Variants in LDB2 observed in about 807,000 individuals in gnomAD.
LDB2 encodes the protein LIM domain binding 2.
A neutral mutation model predicts 44.3 loss-of-function variants in LDB2; 12 were observed. That is an observed-to-expected ratio of 0.27 (90% confidence interval 0.17 to 0.44). The LOEUF is 0.44. Among genes scored for constraint, LDB2 ranks in the 20% least tolerant of loss-of-function variants. The pLI, the probability that LDB2 is intolerant of heterozygous loss-of-function variation, is 1.00. For synonymous variants in LDB2, 164 were observed against 174.8 expected (o/e 0.94, Z 0.49); for missense variants, 344 against 473.5 (o/e 0.73, Z 2.54).
rs67578284 is a variant in LDB2, at chr4:16,791,556, G to GAA, written c.133-32298_133-32297dup. 1.1e-3 allele frequency among the ~76,000 whole-genome samples: 67 copies of GAA among 59,020 alleles called. 5 individuals are homozygous for GAA. Among genetic ancestry groups the GAA allele is most frequent in the Middle Eastern group, 0.031 (1 of 32 alleles). 38.7% of individuals were successfully genotyped at this position (59,020 alleles called of 152,430 possible). A position where few individuals can be genotyped will look rare whatever the true frequency, so the allele number is the denominator to read the frequency against. On this transcript the variant is annotated intron_variant, in intron 1 of 7. Coordinates refer to ENST00000304523, the MANE Select transcript of LDB2 (RefSeq NM_001290.5). ...GGCAACAGAGCGAGACTCTGGCTCA[G>GAA]AAAAAAAAAAAAAAAAGAAAGACAG...
chr4:16,865,003 C>T (rs12503852), intron 1 of LDB2, among the ~76,000 whole-genome samples: 39,008 of 151,678 alleles, frequency 0.26, 5,876 homozygotes, highest in East Asian at 0.68. Flanking sequence ...CCCAGCACTT[C>T]GGGAGGCCGA....
chr4:16,634,717 G>A (rs552994603), intron 2 of LDB2, among the ~76,000 whole-genome samples: 7 of 152,222 alleles, frequency 4.6e-5, no homozygotes, highest in Admixed American at 3.3e-4. Flanking sequence ...TTCAACCATC[G>A]TGGAAGACAG....
At chr4:16,786,878 C>T (rs879494681) in intron 1 of LDB2, among the ~76,000 whole-genome samples, 22 of 152,120 alleles carry the variant, frequency 1.4e-4, no homozygotes, top group Non-Finnish European at 2.5e-4. Flanking sequence ...ACTCTATTCC[C>T]GAATCTTTTG....
intron 2 of LDB2, among the ~76,000 whole-genome samples, chr4:16,629,106 A>G (rs1345852822): frequency 6.6e-6 from 1 of 152,200 alleles, no homozygotes; most frequent in Non-Finnish European, 1.5e-5. Context: ...TCACAGTGTA[A>G]ACAAAGTGGC....
intron 2 of LDB2, among the ~76,000 whole-genome samples, chr4:16,643,994 C>T (rs970550125): frequency 1.3e-5 from 2 of 152,218 alleles, no homozygotes; most frequent in Non-Finnish European, 2.9e-5. Flanking sequence ...CCAAGTGCTG[C>T]TTCTTGAGTA....
chr4:16,549,542 A>C (rs1736904810), intron 5 of LDB2, among the ~76,000 whole-genome samples: 1 of 152,210 alleles, frequency 6.6e-6, no homozygotes, highest in Admixed American at 6.5e-5. Flanking sequence ...TTTTTGCAAT[A>C]GTCTCCTGAC....
chr4:16,775,613 C>A (rs1416431622), intron 1 of LDB2, among the ~76,000 whole-genome samples: 1 of 152,128 alleles, frequency 6.6e-6, no homozygotes, highest in Admixed American at 6.6e-5. Context: ...TTTCCCTATT[C>A]TCAGGAAATG....
intron 1 of LDB2, among the ~76,000 whole-genome samples, chr4:16,896,417 TTAA>T (rs915721564): frequency 6.6e-5 from 10 of 152,110 alleles, no homozygotes; most frequent in African/African-American, 2.4e-4. Context: ...GCAGTTTTTT[TTAA>T]TGAGGGCAAG....
chr4:16,627,672 G>T (rs192374686), intron 2 of LDB2, among the ~76,000 whole-genome samples: 147 of 152,252 alleles, frequency 9.7e-4, no homozygotes, highest in Admixed American at 4.5e-3. Flanking sequence ...CTCCAAGATG[G>T]CCCCAGAGAC....
At chr4:16,708,302 C>T (rs150356100) in intron 2 of LDB2, among the ~76,000 whole-genome samples, 10 of 152,092 alleles carry the variant, frequency 6.6e-5, no homozygotes, top group East Asian at 3.9e-4. Flanking sequence ...GGCAACAGAG[C>T]GAGACCCTGT....
At chr4:16,748,857 A>C (rs575699136) in intron 2 of LDB2, among the ~76,000 whole-genome samples, 4 of 152,344 alleles carry the variant, frequency 2.6e-5, no homozygotes, top group African/African-American at 9.6e-5. Context: ...AGATTTATAA[A>C]CAGAGGCAGA....
chr4:16,706,081 G>A (rs1754538776), intron 2 of LDB2, among the ~76,000 whole-genome samples: 1 of 152,124 alleles, frequency 6.6e-6, no homozygotes, highest in Admixed American at 6.5e-5. Context: ...GGCCAAAATT[G>A]CTAGTAAAAA....
At chr4:16,631,862 T>C (rs1732055730) in intron 2 of LDB2, among the ~76,000 whole-genome samples, 1 of 152,302 alleles carries the variant, frequency 6.6e-6, no homozygotes, top group South Asian at 2.1e-4. Context: ...CCTAGACACA[T>C]ACACCTTCCC....
At chr4:16,761,385 A>G (rs1767881966) in intron 1 of LDB2, among the ~76,000 whole-genome samples, 1 of 152,192 alleles carries the variant, frequency 6.6e-6, no homozygotes, top group Admixed American at 6.5e-5. Flanking sequence ...GAAAGGGAAT[A>G]TTTAGTCTGA....
intron 2 of LDB2, among the ~76,000 whole-genome samples, chr4:16,628,011 G>A (rs1171996490): frequency 6.6e-6 from 1 of 152,110 alleles, no homozygotes; most frequent in East Asian, 1.9e-4. Flanking sequence ...CACGGTTAAA[G>A]AAATCCACTC....
intron 2 of LDB2, among the ~76,000 whole-genome samples, chr4:16,601,702 T>A (rs4235384): frequency 0.99 from 151,422 of 152,276 alleles, 75,294 homozygotes; most frequent in Middle Eastern, 1. Context: ...TGCTAGAGCT[T>A]CTGTAATTCT....
chr4:16,597,740 G>A (rs1264181882), intron 2 of LDB2, among the ~76,000 whole-genome samples: 1 of 152,118 alleles, frequency 6.6e-6, no homozygotes, highest in Non-Finnish European at 1.5e-5. Flanking sequence ...TCCTGCACAA[G>A]TTAATTCCTT....
At chr4:16,778,507 A>AAG (rs1245634602) in intron 1 of LDB2, among the ~76,000 whole-genome samples, 1 of 151,998 alleles carries the variant, frequency 6.6e-6, no homozygotes, top group Non-Finnish European at 1.5e-5. Context: ...AACCACCATC[A>AAG]AGAGTGTTTG....
chr4:16,555,176 T>G (rs1352212155), intron 5 of LDB2, among the ~76,000 whole-genome samples: 1 of 151,944 alleles, frequency 6.6e-6, no homozygotes, highest in African/African-American at 2.4e-5. Flanking sequence ...TCACAGAGAT[T>G]CTGATTCAAT....
Sources: allele counts gnomAD v4.1 joint callset (sites outside exome capture counted in the v4.1 genomes callset), GRCh38; gene constraint gnomAD v4.1.1; transcripts MANE v1.5; gene names NCBI Gene and HGNC (gene_info 2026-07-23, HGNC 2026-07-21).